CAMTA1: variants seen among roughly 807,000 people sequenced by gnomAD.
The protein encoded by CAMTA1 is calmodulin binding transcription activator 1, also known as calmodulin-binding transcription activator 1.
A neutral mutation model predicts 170.9 loss-of-function variants in CAMTA1; 27 were observed. The observed-to-expected ratio is 0.16, with a 90% confidence interval of 0.12 to 0.22. The LOEUF is 0.22. CAMTA1 is among the 10% of genes least tolerant of loss of function. The pLI is 1.00. For synonymous variants in CAMTA1, 833 were observed against 891.5 expected (o/e 0.93, Z 1.17); for missense variants, 1,619 against 2,217.2 (o/e 0.73, Z 5.42).
chr1:7,484,136 G>A (rs752665328), intron 6 of CAMTA1, among the ~76,000 whole-genome samples: 6 of 152,186 alleles, frequency 3.9e-5, no homozygotes, highest in African/African-American at 7.2e-5. Context: ...GCCTGGGGCC[G>A]CAGGGCCATC....
intron 5 of CAMTA1, among the ~76,000 whole-genome samples, chr1:7,335,075 A>G (rs954051699): frequency 9.1e-6 from 1 of 109,948 alleles, no homozygotes; most frequent in Non-Finnish European, 1.8e-5. Context: ...CTATGACTTT[A>G]CTGGACCTAT....
At position 7,532,748 on chromosome 1, in the gene CAMTA1, G is replaced by T. The variant is rs964599784; in HGVS notation, c.510+64847G>T. Among the ~76,000 whole-genome samples the T allele has an allele frequency of 6.6e-6, 1 of 152,236 alleles. No individual in the cohort carries two copies. The highest frequency in any genetic ancestry group is 1.5e-5 in the Non-Finnish European group (1 of 68,050). ...GGTGCCCAATCGCTGATAGAAGAAT[G>T]AATGAGTGGATGGATCAAGGGAGAT... is the stretch of plus-strand genomic sequence containing the variant. On this transcript the variant is annotated intron_variant, in intron 6 of 22. Coordinates refer to ENST00000303635, the MANE Select transcript of CAMTA1 (RefSeq NM_015215.4). The surrounding 1 kb of genome is among the most constrained non-coding windows in gnomAD (Gnocchi z 4.2).
intron 3 of CAMTA1, among the ~76,000 whole-genome samples, chr1:6,831,334 T>C (rs970368833): frequency 1.3e-5 from 2 of 152,248 alleles, no homozygotes; most frequent in East Asian, 3.8e-4. Context: ...CTTCATCAGG[T>C]GAACTGCTAT....
chr1:7,103,066 A>C (rs921320444), intron 4 of CAMTA1, among the ~76,000 whole-genome samples: 2 of 146,618 alleles, frequency 1.4e-5, no homozygotes, highest in African/African-American at 2.5e-5. Context: ...CTGCCCCTCT[A>C]GTGCATGGGG....
At chr1:6,786,200 C>G (rs1239662975) in intron 1 of CAMTA1, among the ~76,000 whole-genome samples, 1 of 151,978 alleles carries the variant, frequency 6.6e-6, no homozygotes, top group East Asian at 2.0e-4. Context: ...CCAGGGGGAC[C>G]CCGTCCTGCC....
intron 3 of CAMTA1, among the ~76,000 whole-genome samples, chr1:7,016,242 C>A (rs1417572723): frequency 1.3e-5 from 2 of 152,144 alleles, no homozygotes; most frequent in Admixed American, 6.5e-5. Context: ...GTGTATGTGT[C>A]AACAGTTGGT....
chr1:7,677,024 A>T (rs2096128159), intron 10 of CAMTA1, among the ~76,000 whole-genome samples: 1 of 152,094 alleles, frequency 6.6e-6, no homozygotes, highest in Admixed American at 6.5e-5. Flanking sequence ...CCTTCACATC[A>T]GCATCCCCAG....
At chr1:7,578,178 T>G (rs1002637362) in intron 6 of CAMTA1, among the ~76,000 whole-genome samples, 7 of 152,180 alleles carry the variant, frequency 4.6e-5, no homozygotes, top group Admixed American at 4.6e-4. Flanking sequence ...CATGTCTCTC[T>G]TGAAACACAG....
chr1:7,085,528 G>A (rs1640621176), intron 3 of CAMTA1, among the ~76,000 whole-genome samples: 1 of 152,278 alleles, frequency 6.6e-6, no homozygotes, highest in South Asian at 2.1e-4. Flanking sequence ...GCAAGAGAAA[G>A]TCTGAGCAGT....
intron 3 of CAMTA1, among the ~76,000 whole-genome samples, chr1:7,060,577 C>T (rs1247096741): frequency 6.6e-6 from 1 of 152,188 alleles, no homozygotes; most frequent in Non-Finnish European, 1.5e-5. Context: ...TAGGCGGGGT[C>T]CCCTTAGGGT....
At position 6,958,046 on chromosome 1, in the gene CAMTA1, A is replaced by G. The variant is rs1178789443; in HGVS notation, c.234+132836A>G. Among the ~76,000 whole-genome samples, 11 of 152,334 alleles carry G rather than the reference A, an allele frequency of 7.2e-5. No homozygotes were observed. The East Asian group carries it at 2.1e-3, about 29-fold the overall frequency. On this transcript the variant is annotated intron_variant, in intron 3 of 22. Transcript: ENST00000303635. ...TTTCTAGGGGCTCCCAGTCAGAGAC[A>G]GGGTGTGGTCTTTCGTGAACAAAAC...
chr1:7,434,730 C>T (rs1357874403), intron 5 of CAMTA1, among the ~76,000 whole-genome samples: 1 of 152,052 alleles, frequency 6.6e-6, no homozygotes, highest in Non-Finnish European at 1.5e-5. Flanking sequence ...TTGCTCTGTC[C>T]CCGAGTGGTG....
intron 3 of CAMTA1, among the ~76,000 whole-genome samples, chr1:6,974,249 A>G (rs1693028635): frequency 6.6e-6 from 1 of 152,226 alleles, no homozygotes; most frequent in Non-Finnish European, 1.5e-5. Flanking sequence ...CGGAGAATCC[A>G]ATTTTTCATA....
intron 22 of CAMTA1, among the ~76,000 whole-genome samples, chr1:7,756,157 A>C (rs2096930148): frequency 6.6e-6 from 1 of 151,888 alleles, no homozygotes; most frequent in Non-Finnish European, 1.5e-5. Flanking sequence ...TTTCTTACTG[A>C]GAATGACTGT....
At chr1:6,826,332 T>C (rs755453069) in intron 3 of CAMTA1, among the ~76,000 whole-genome samples, 7 of 152,224 alleles carry the variant, frequency 4.6e-5, no homozygotes, top group Admixed American at 2.0e-4. Flanking sequence ...TAAATTACAT[T>C]TTCCCGTCAG....
intron 19 of CAMTA1, among the ~76,000 whole-genome samples, chr1:7,750,270 G>C (rs1183515527): frequency 2.0e-5 from 3 of 152,212 alleles, no homozygotes; most frequent in African/African-American, 7.2e-5. Flanking sequence ...ATTCTGAGAA[G>C]TCAGTTTCCC....
chr1:7,017,127 C>T (rs989295514), intron 3 of CAMTA1, among the ~76,000 whole-genome samples: 7 of 152,150 alleles, frequency 4.6e-5, no homozygotes, highest in South Asian at 4.2e-4. Context: ...AGGTAGGCCC[C>T]GAGTCCCAGT....
intron 9 of CAMTA1, among the ~76,000 whole-genome samples, chr1:7,666,830 G>A (rs911481693): frequency 6.6e-6 from 1 of 152,210 alleles, no homozygotes; most frequent in Non-Finnish European, 1.5e-5. Flanking sequence ...GCTTCCTCTT[G>A]GTATAGGTTG....
chr1:7,451,324 T>C (rs1264795473), intron 5 of CAMTA1, among the ~76,000 whole-genome samples: 2 of 152,092 alleles, frequency 1.3e-5, no homozygotes, highest in African/African-American at 4.8e-5. Context: ...GCTGCCTGGA[T>C]GGCCCCAGGC....
Sources: gnomAD v4.1 joint callset for allele counts (sites outside exome capture counted in the v4.1 genomes callset) on GRCh38, gnomAD v4.1.1 for gene constraint, Gnocchi (gnomAD v3.1) non-coding constraint, MANE v1.5 for transcripts, NCBI Gene and HGNC (gene_info 2026-07-23, HGNC 2026-07-21) for gene names.